The following PVT1 variants were observed in gnomAD, a reference collection of about 807,000 sequenced individuals.
The protein encoded by PVT1 is CXCR4/PVT1 fusion.
At chr8:127,891,182 G>T (rs1815598100) in intron 3 of PVT1, among the ~76,000 whole-genome samples, 1 of 152,182 alleles carries the variant, frequency 6.6e-6, no homozygotes, top group Admixed American at 6.5e-5. Flanking sequence ...GTGTGTTATT[G>T]TACCTGTCAC....
At chr8:128,006,683 T>C (rs1454408218) in intron 4 of PVT1, among the ~76,000 whole-genome samples, 1 of 152,248 alleles carries the variant, frequency 6.6e-6, no homozygotes, top group Non-Finnish European at 1.5e-5. Context: ...CATTTGTCAA[T>C]TAAAATGTTA....
chr8:128,073,636 C>T (rs1044788243), intron 5 of PVT1, among the ~76,000 whole-genome samples: 4 of 152,094 alleles, frequency 2.6e-5, no homozygotes, highest in African/African-American at 9.7e-5. Flanking sequence ...CCCTAGCCCT[C>T]CTCATGCGCC....
intron 6 of PVT1, chr8:128,101,247 T>C (rs1361836783): frequency 6.6e-6 from 1 of 152,268 alleles, no homozygotes; most frequent in African/African-American, 2.4e-5. Flanking sequence ...AAATTCTTTT[T>C]CTACTACAAT....
chr8:127,893,499 G>A (rs746376364), intron 3 of PVT1, among the ~76,000 whole-genome samples: 4 of 152,042 alleles, frequency 2.6e-5, no homozygotes, highest in African/African-American at 4.8e-5. Context: ...TGCCTGCCTC[G>A]GCCTCCTAAA....
chr8:127,909,695 G>T lies in PVT1; in HGVS notation n.782+18697G>T, dbSNP rs144223647. On this transcript the variant is annotated intron_variant and non_coding_transcript_variant, in intron 3 of 10. Transcript: ENST00000651587. Reference sequence around the variant, plus strand: ...TTAGTGCTGTCTGGAGCAGGCATGGGGATGTGGTGGTACAGGGTAGGGTGT... The same window carrying T: ...TTAGTGCTGTCTGGAGCAGGCATGGTGATGTGGTGGTACAGGGTAGGGTGT... 4.6e-5 allele frequency among the ~76,000 whole-genome samples: 7 copies of T among 152,248 alleles called. No individual in the cohort carries two copies. In the East Asian group the frequency reaches 1.4e-3, roughly 29 times the overall value.
intron 4 of PVT1, among the ~76,000 whole-genome samples, chr8:128,048,148 T>A (rs1813642641): frequency 6.6e-6 from 1 of 152,194 alleles, no homozygotes; most frequent in African/African-American, 2.4e-5. Context: ...GACCTGTAAG[T>A]CAGTTCTAGA....
At chr8:127,917,909 A>T (rs1408897783) in intron 3 of PVT1, among the ~76,000 whole-genome samples, 1 of 152,252 alleles carries the variant, frequency 6.6e-6, no homozygotes, top group African/African-American at 2.4e-5. Flanking sequence ...TCTGAGGGTG[A>T]TGCTGGCGTT....
chr8:127,878,367 G>T (rs1188443607), intron 2 of PVT1, among the ~76,000 whole-genome samples: 1 of 152,106 alleles, frequency 6.6e-6, no homozygotes, highest in Non-Finnish European at 1.5e-5. Context: ...ACCTCACTTG[G>T]GTTATCTCTA....
chr8:127,842,529 G>T (rs117991287), intron 2 of PVT1, among the ~76,000 whole-genome samples: 1 of 151,836 alleles, frequency 6.6e-6, no homozygotes, highest in Non-Finnish European at 1.5e-5. Context: ...GCCTCCCAGC[G>T]AGTTGAGATT....
chr8:127,871,953 G>C (rs770594002), intron 2 of PVT1, among the ~76,000 whole-genome samples: 3 of 152,130 alleles, frequency 2.0e-5, no homozygotes, highest in Non-Finnish European at 4.4e-5. Flanking sequence ...TTAGCCAGAC[G>C]TGGTGATGGG....
intron 2 of PVT1, among the ~76,000 whole-genome samples, chr8:127,805,088 G>A (rs762276420): frequency 6.6e-6 from 1 of 151,152 alleles, no homozygotes; most frequent in Non-Finnish European, 1.5e-5. Context: ...TCACCACCAC[G>A]CCCGGCTAAT....
chr8:127,835,786 C>G (rs1273826698), intron 2 of PVT1, among the ~76,000 whole-genome samples: 1 of 152,172 alleles, frequency 6.6e-6, no homozygotes, highest in Non-Finnish European at 1.5e-5. Context: ...AGGTTGGAAT[C>G]ACACACAATT....
intron 3 of PVT1, among the ~76,000 whole-genome samples, chr8:127,891,696 A>C (rs1427909322): frequency 1.3e-5 from 2 of 152,204 alleles, no homozygotes; most frequent in African/African-American, 4.8e-5. Flanking sequence ...GGGATGGTGG[A>C]CATTTCTTGG....
chr8:127,844,871 G>C (rs1382614823), intron 2 of PVT1, among the ~76,000 whole-genome samples: 1 of 151,958 alleles, frequency 6.6e-6, no homozygotes, highest in Non-Finnish European at 1.5e-5. Flanking sequence ...CCACCACCAC[G>C]CCTGGTTAAT....
intron 4 of PVT1, among the ~76,000 whole-genome samples, chr8:128,046,045 C>T (rs1249000110): frequency 1.3e-5 from 2 of 152,176 alleles, no homozygotes; most frequent in African/African-American, 4.8e-5. Context: ...TGGGGACTAA[C>T]AAGAAGCTAC....
chr8:127,891,872 A>AG (rs963794366), intron 3 of PVT1, among the ~76,000 whole-genome samples: 41 of 152,260 alleles, frequency 2.7e-4, no homozygotes, highest in African/African-American at 8.4e-4. Flanking sequence ...TGCCAGCTGG[A>AG]GGGAGGGAGC....
intron 3 of PVT1, among the ~76,000 whole-genome samples, chr8:127,900,196 C>T (rs535253810): frequency 6.6e-6 from 1 of 152,118 alleles, no homozygotes; most frequent in African/African-American, 2.4e-5. Flanking sequence ...CGCGTACCAC[C>T]ACACCTGGCT....
chr8:127,903,394 C>G (rs1325194434), intron 3 of PVT1, among the ~76,000 whole-genome samples: 1 of 152,110 alleles, frequency 6.6e-6, no homozygotes, highest in Non-Finnish European at 1.5e-5. Flanking sequence ...CTGTGTACTC[C>G]CTTGATAGTT....
rs186665518 is a variant in PVT1, at chr8:128,085,412, G to T, written n.1115-11106G>T. Among the ~76,000 whole-genome samples, 168 of 152,292 alleles carry T rather than the reference G, an allele frequency of 1.1e-3. 2 individuals are homozygous for T. The highest frequency in any genetic ancestry group is 3.9e-3 in the African/African-American group (161 of 41,556). On this transcript the variant is annotated intron_variant and non_coding_transcript_variant, in intron 5 of 10. Coordinates refer to ENST00000651587, the Ensembl canonical transcript of PVT1. Reference sequence around the variant, plus strand: ...TTGTTTTACAACACTAAGTTTTGCAGTAAATATGTAATCCACAATAGTAAT... The same window carrying T: ...TTGTTTTACAACACTAAGTTTTGCATTAAATATGTAATCCACAATAGTAAT...
Sources: allele counts gnomAD v4.1 joint callset (sites outside exome capture counted in the v4.1 genomes callset), GRCh38; gene constraint gnomAD v4.1.1; transcripts MANE v1.5; gene names NCBI Gene and HGNC (gene_info 2026-07-23, HGNC 2026-07-21).